The following SMCHD1 variants were observed in gnomAD, a reference collection of about 807,000 sequenced individuals.
SMCHD1 encodes structural maintenance of chromosomes flexible hinge domain containing 1.
In SMCHD1, 78 loss-of-function variants were observed where a neutral mutation model predicts 254.7. The observed-to-expected ratio is 0.31, with a 90% CI of 0.26 to 0.37. The LOEUF is 0.37. SMCHD1 is among the 10% of genes least tolerant of loss of function. The pLI is 1.00. For missense variants in SMCHD1, 1,840 were observed against 2,408.1 expected, an observed-to-expected ratio of 0.76 and a Z score of 4.94; for synonymous variants, 766 against 794.9, an observed-to-expected ratio of 0.96 and a Z score of 0.61.
intron 9 of SMCHD1, chr18:2,697,346 T>C (rs1396865053): frequency 1.6e-5 from 6 of 363,950 alleles, no homozygotes; most frequent in Non-Finnish European, 2.5e-5. Context: ...TTTTTGTCTC[T>C]CTTCTGTGGA....
At chr18:2,672,170 A>C (rs1487624641) in intron 3 of SMCHD1, among the ~76,000 whole-genome samples, 1 of 152,120 alleles carries the variant, frequency 6.6e-6, no homozygotes, top group Non-Finnish European at 1.5e-5. Context: ...TTATAAACAT[A>C]GCTGTCCTTG....
intron 45 of SMCHD1, among the ~76,000 whole-genome samples, chr18:2,789,203 A>AT (rs1235704323): frequency 2.1e-5 from 2 of 96,796 alleles, no homozygotes; most frequent in African/African-American, 4.3e-5. Flanking sequence ...TTGTATTATT[A>AT]TTATTTTTTT....
rs2074847217 is a variant in SMCHD1 at position 2,718,336 on chromosome 18, A to G, written c.2360A>G (p.Asn787Ser). The change falls in exon 19 of 48, where the codon AAT (asparagine) becomes AGT (serine). Residue 787 changes from asparagine to serine, a missense_variant. By Grantham distance (46) the Asn-to-Ser change is conservative. Coordinates refer to ENST00000320876, the MANE Select transcript of SMCHD1 (RefSeq NM_015295.3). The surrounding 1 kb of genome is among the most constrained non-coding windows in gnomAD (Gnocchi z 4.6). ...CCAGAAAATATTCAGAAGTTGGGGAATTATACCTTGAAATTACAAGTTGTG... is the reference window on the plus strand; with the variant it reads ...CCAGAAAATATTCAGAAGTTGGGGAGTTATACCTTGAAATTACAAGTTGTG... ...KKMENIQKLG[N>S]YTLKLQVVLN... is the part of the protein sequence containing the mutation. 6.2e-7 allele frequency: 1 copy of G among 1,611,436 alleles called. No homozygotes were observed. The highest frequency in any genetic ancestry group is 8.5e-7 in the Non-Finnish European group (1 of 1,178,044).
intron 1 of SMCHD1, 83 bp downstream of exon 1, chr18:2,656,344 C>T (rs1331079702): frequency 6.5e-6 from 8 of 1,237,668 alleles, no homozygotes; most frequent in South Asian, 6.3e-5. Context: ...TCACTGAGGG[C>T]AATAAACCTG....
At chr18:2,664,090 C>T (rs1441089050) in intron 1 of SMCHD1, among the ~76,000 whole-genome samples, 1 of 152,026 alleles carries the variant, frequency 6.6e-6, no homozygotes, top group Non-Finnish European at 1.5e-5. Context: ...GTTATGAACC[C>T]CAGTGTACTC....
At chr18:2,690,995 T>C (rs1425705429) in intron 7 of SMCHD1, among the ~76,000 whole-genome samples, 2 of 151,594 alleles carry the variant, frequency 1.3e-5, no homozygotes, top group Admixed American at 1.3e-4. Context: ...CATTAGTTGA[T>C]GGGTTGGATT....
chr18:2,784,653 C>A, intron 45 of SMCHD1, 32 bp downstream of exon 45: 1 of 1,517,990 alleles, frequency 6.6e-7, no homozygotes, highest in South Asian at 1.3e-5. Flanking sequence ...ATAGCAATTT[C>A]TAATTTAATT....
intron 37 of SMCHD1, 42 bp downstream of exon 37, chr18:2,763,831 T>G: frequency 1.9e-6 from 3 of 1,571,272 alleles, no homozygotes; most frequent in Non-Finnish European, 2.6e-6. Flanking sequence ...TTTCTGTATT[T>G]AATGCTTTTA....
intron 19 of SMCHD1, among the ~76,000 whole-genome samples, chr18:2,720,724 G>A (rs760478551): frequency 1.2e-3 from 184 of 152,212 alleles, no homozygotes; most frequent in Admixed American, 2.3e-3. Context: ...AATTTTCCAC[G>A]TGATTTTCCT....
At position 2,784,497 on chromosome 18, in the gene SMCHD1, T is replaced by G; in HGVS notation, c.5595T>G (p.Asp1865Glu). ...CTACACTGCTGACCAGAGATGGAGA[T>G]CGAATTCGAAGTAATGGAAAGTTTG... ...HCPTLLTRDG[D>E]RIRSNGKFGG... is the part of the protein sequence containing the mutation. Residue 1865 changes from aspartate to glutamate, a missense_variant, in exon 45 of 48, where the codon GAT becomes GAG. Around this residue, in one of 9 missense-constraint regions of SMCHD1, gnomAD observed 114 missense variants for 217.6 expected, o/e 0.52. Coordinates refer to ENST00000320876, the MANE Select transcript of SMCHD1 (RefSeq NM_015295.3). The G allele has an allele frequency of 6.2e-7, 1 of 1,612,844 alleles. No homozygotes were observed. Among genetic ancestry groups the G allele is most frequent in the Non-Finnish European group, 8.5e-7 (1 of 1,179,446 alleles).
intron 6 of SMCHD1, 46 bp from the exon 7 acceptor site, chr18:2,688,582 C>A: frequency 6.3e-7 from 1 of 1,578,078 alleles, no homozygotes; most frequent in Non-Finnish European, 8.7e-7. Flanking sequence ...AATGCATTAA[C>A]CAGTTTATTA....
At chr18:2,712,678 G>A (rs998175981) in intron 17 of SMCHD1, among the ~76,000 whole-genome samples, 13 of 152,148 alleles carry the variant, frequency 8.5e-5, no homozygotes, top group African/African-American at 3.1e-4. Flanking sequence ...ATTCAAGTCC[G>A]AGTCATCATG....
At chr18:2,666,282 A>T in intron 2 of SMCHD1, 50 bp downstream of exon 2, 1 of 846,620 alleles carries the variant, frequency 1.2e-6, no homozygotes, top group South Asian at 1.6e-5. Flanking sequence ...AATAAGGTTT[A>T]GTACATATAT....
intron 37 of SMCHD1, among the ~76,000 whole-genome samples, chr18:2,767,829 A>G (rs919944315): frequency 6.6e-6 from 1 of 151,788 alleles, no homozygotes; most frequent in African/African-American, 2.4e-5. Flanking sequence ...ACCTCAGACG[A>G]TCCACCCACC....
chr18:2,729,748 G>A (rs1312246796), intron 24 of SMCHD1, among the ~76,000 whole-genome samples: 2 of 143,196 alleles, frequency 1.4e-5, no homozygotes, highest in South Asian at 2.2e-4. Flanking sequence ...TCACTCTGTT[G>A]TCTAGGCTGG....
At chr18:2,799,622 T>TAG (rs1212587449) in intron 47 of SMCHD1, among the ~76,000 whole-genome samples, 1 of 152,220 alleles carries the variant, frequency 6.6e-6, no homozygotes, top group African/African-American at 2.4e-5. Flanking sequence ...TCATGACTCT[T>TAG]ACTTAGGCCA....
intron 15 of SMCHD1, among the ~76,000 whole-genome samples, chr18:2,707,085 G>T (rs2074533406): frequency 6.7e-6 from 1 of 150,328 alleles, no homozygotes; most frequent in African/African-American, 2.5e-5. Flanking sequence ...CGCCCACCAG[G>T]TCCCTCCCTT....
In SMCHD1 at chr18:2,747,568, T is replaced by C; in HGVS notation, c.3848T>C (p.Val1283Ala). The C allele has an allele frequency of 6.2e-7, 1 of 1,609,714 alleles. No homozygotes were observed. Residue 1283 changes from valine (V) to alanine (A), a missense_variant, in exon 30 of 48, where the codon GTT becomes GCT. Val to Ala is a moderately conservative substitution (Grantham distance 64). Coordinates refer to ENST00000320876, the MANE Select transcript of SMCHD1 (RefSeq NM_015295.3). ...NGRDLQNPIIVQLCDQWDNPA... is the reference protein window; with the variant it reads ...NGRDLQNPIIAQLCDQWDNPA... Reference sequence around the variant, plus strand: ...AGAGATTTACAGAACCCTATTATTGTTCAACTTTGTGATCAGTGGGATAAT... The same window carrying C: ...AGAGATTTACAGAACCCTATTATTGCTCAACTTTGTGATCAGTGGGATAAT...
chr18:2,698,377 C>T (rs895483097), intron 10 of SMCHD1, among the ~76,000 whole-genome samples: 3 of 152,108 alleles, frequency 2.0e-5, no homozygotes, highest in African/African-American at 7.2e-5. Flanking sequence ...TATTTACTAA[C>T]TTTTTCTTTA....
Sources: gnomAD v4.1 joint callset for allele counts (sites outside exome capture counted in the v4.1 genomes callset) on GRCh38, gnomAD v4.1.1 for gene constraint, gnomAD v4.1.1 regional missense constraint, Gnocchi (gnomAD v3.1) non-coding constraint, MANE v1.5 for transcripts, NCBI Gene and HGNC (gene_info 2026-07-23, HGNC 2026-07-21) for gene names.